Variants in KRABD2 observed in about 807,000 individuals in gnomAD.
KRABD2 encodes the protein KRAB domain-containing protein 2.
the KRABD2 span, chr17:8,376,034 A>C: frequency 8.1e-7 from 1 of 1,231,552 alleles, no homozygotes; most frequent in Non-Finnish European, 1.0e-6. Flanking sequence ...CCTTCATCTC[A>C]ACAACCTGTA....
the KRABD2 span, among the ~76,000 whole-genome samples, chr17:8,366,107 C>T: frequency 7.3e-5 from 11 of 149,938 alleles, no homozygotes; most frequent in African/African-American, 2.2e-4. Flanking sequence ...CCAGCCCGGG[C>T]GACAGTGCGA....
the KRABD2 span, chr17:8,370,205 A>G: frequency 4.3e-6 from 7 of 1,613,128 alleles, no homozygotes; most frequent in Non-Finnish European, 4.2e-6. Flanking sequence ...TTATTGTTTG[A>G]AAGTACTTTT....
chr17:8,359,350 A>G, the KRABD2 span: 4 of 347,206 alleles, frequency 1.2e-5, no homozygotes, highest in South Asian at 8.8e-5. Context: ...CCTCTAATAC[A>G]AAGTAGGCAG....
chr17:8,363,839 ATATATATATATATATATATATATT>A, the KRABD2 span, among the ~76,000 whole-genome samples: 3 of 75,940 alleles, frequency 4.0e-5, no homozygotes, highest in South Asian at 1.1e-3. Flanking sequence ...ACATATATAT[ATATATATATATATATATATATATT>A]TATTTATTTA....
chr17:8,360,914 C>T, the KRABD2 span, among the ~76,000 whole-genome samples: 2 of 152,064 alleles, frequency 1.3e-5, no homozygotes, highest in African/African-American at 2.4e-5. Context: ...TACTAATGTC[C>T]AGAAAGCATG....
At chr17:8,365,035 G>A in the KRABD2 span, among the ~76,000 whole-genome samples, 10 of 148,518 alleles carry the variant, frequency 6.7e-5, no homozygotes, top group Non-Finnish European at 1.5e-4. Flanking sequence ...ACTCTGTTTA[G>A]AAAAAAAAAA....
chr17:8,376,322 A>C, the KRABD2 span: 3 of 1,219,946 alleles, frequency 2.5e-6, no homozygotes, highest in Non-Finnish European at 3.1e-6. Flanking sequence ...AAAGTTACTG[A>C]GGCCTCAGTT....
chr17:8,363,426 A>G, the KRABD2 span, among the ~76,000 whole-genome samples: 1 of 152,188 alleles, frequency 6.6e-6, no homozygotes, highest in South Asian at 2.1e-4. Context: ...ATCTCAGCTC[A>G]CTGCAACCTC....
chr17:8,369,260 C>G, the KRABD2 span: 20 of 1,614,098 alleles, frequency 1.2e-5, no homozygotes, highest in Non-Finnish European at 1.7e-5. Context: ...CCTGCCTGAT[C>G]CAAAGGCTAT....
chr17:8,365,089 C>A, the KRABD2 span, among the ~76,000 whole-genome samples: 4 of 152,070 alleles, frequency 2.6e-5, no homozygotes, highest in Non-Finnish European at 4.4e-5. Context: ...CAAGCTGAGA[C>A]TAGCCTGTGG....
the KRABD2 span, chr17:8,369,394 G>T: frequency 6.2e-7 from 1 of 1,614,210 alleles, no homozygotes; most frequent in East Asian, 2.2e-5. Context: ...GCCTCAAATG[G>T]ACTTTGCTGC....
chr17:8,359,883 G>A, the KRABD2 span: 5 of 451,102 alleles, frequency 1.1e-5, no homozygotes, highest in Middle Eastern at 3.3e-4. Context: ...AGAAAGAGAG[G>A]CAAAAACAAG....
chr17:8,369,690 A>C, the KRABD2 span: 1 of 1,614,230 alleles, frequency 6.2e-7, no homozygotes, highest in Non-Finnish European at 8.5e-7. Context: ...ATCTAACAAG[A>C]CACTGACCAC....
the KRABD2 span, chr17:8,375,721 G>C: frequency 1.2e-5 from 2 of 169,850 alleles, no homozygotes; most frequent in Admixed American, 1.5e-4. Flanking sequence ...TTTTTTTGTA[G>C]AGACGGGGTC....
At chr17:8,371,940 C>T in the KRABD2 span, 26 of 990,710 alleles carry the variant, frequency 2.6e-5, no homozygotes, top group Non-Finnish European at 3.0e-5. Context: ...ACTGGGATTC[C>T]TTAGTCAGAA....
chr17:8,374,900 C>T, the KRABD2 span, among the ~76,000 whole-genome samples: 18 of 120,052 alleles, frequency 1.5e-4, no homozygotes, highest in Admixed American at 2.8e-4. Flanking sequence ...ATCGTGCCTC[C>T]GCACTCCAGC....
At chr17:8,369,396 C>T in the KRABD2 span, 3 of 1,614,262 alleles carry the variant, frequency 1.9e-6, no homozygotes, top group Non-Finnish European at 2.5e-6. Context: ...CTCAAATGGA[C>T]TTTGCTGCAA....
chr17:8,373,337 A>G, the KRABD2 span, among the ~76,000 whole-genome samples: 1 of 152,052 alleles, frequency 6.6e-6, no homozygotes, highest in South Asian at 2.1e-4. Context: ...GCCATGCCTG[A>G]CTGGTTTTTG....
At chr17:8,363,830 CATATATATATAT>C in the KRABD2 span, among the ~76,000 whole-genome samples, 370 of 86,984 alleles carry the variant, frequency 4.3e-3, 6 homozygotes, top group South Asian at 0.031. Context: ...ATATATCATA[CATATATATATAT>C]ATATATATAT....
Sources: gnomAD v4.1 joint callset for allele counts (sites outside exome capture counted in the v4.1 genomes callset) on GRCh38, gnomAD v4.1.1 for gene constraint, MANE v1.5 for transcripts, NCBI Gene and HGNC (gene_info 2026-07-23, HGNC 2026-07-21) for gene names.